The following NDUFA5 variants were observed in gnomAD, a reference collection of about 807,000 sequenced individuals.
NDUFA5 encodes NADH dehydrogenase [ubiquinone] 1 alpha subcomplex subunit 5.
Under a neutral mutation model 19.8 loss-of-function variants are expected in NDUFA5, and 11 were observed. That is an observed-to-expected ratio of 0.56 (90% CI 0.35 to 0.92). The LOEUF is 0.92. Among genes scored for constraint, NDUFA5 ranks in the 40% least tolerant of loss-of-function variants. The pLI is 0.01. For synonymous variants in NDUFA5, 47 were observed against 46.8 expected, an observed-to-expected ratio of 1.00 and a Z score of -0.01; for missense variants, 109 against 134.2, an observed-to-expected ratio of 0.81 and a Z score of 0.93.
chr7:123,544,199 C>A (rs1456503726), intron 4 of NDUFA5, among the ~76,000 whole-genome samples: 1 of 151,924 alleles, frequency 6.6e-6, no homozygotes, highest in Non-Finnish European at 1.5e-5. Context: ...CAAAATTTCA[C>A]CAAATAAAAA....
At chr7:123,594,012 G>A in the NDUFA5 span, among the ~76,000 whole-genome samples, 9 of 151,602 alleles carry the variant, frequency 5.9e-5, no homozygotes, top group Admixed American at 2.0e-4. Context: ...TTGTCTTCTC[G>A]CTTTATTTCA....
chr7:123,581,825 T>C, the NDUFA5 span, among the ~76,000 whole-genome samples: 1 of 152,034 alleles, frequency 6.6e-6, no homozygotes, highest in Non-Finnish European at 1.5e-5. Context: ...CTCCCAAGAC[T>C]GTCAAGTTTT....
chr7:123,564,945 G>T, the NDUFA5 span, among the ~76,000 whole-genome samples: 2 of 142,200 alleles, frequency 1.4e-5, no homozygotes, highest in African/African-American at 5.5e-5. Flanking sequence ...ACACACACAA[G>T]TACATATAAA....
At chr7:123,551,476 TG>T in intron 2 of NDUFA5, 1 of 870,942 alleles carries the variant, frequency 1.1e-6, no homozygotes, top group Middle Eastern at 5.8e-4. Flanking sequence ...CCCAAAGTGC[TG>T]GGATTACAGG....
At chr7:123,563,413 C>T in the NDUFA5 span, among the ~76,000 whole-genome samples, 354 of 152,240 alleles carry the variant, frequency 2.3e-3, 2 homozygotes, top group African/African-American at 8.2e-3. Context: ...GGGGAACAGC[C>T]AGTCGGTGGA....
rs1390875165 is a variant in NDUFA5, at chr7:123,537,813, T to C, written c.*4306A>G. 2 of 144,462 alleles carry C rather than the reference T, an allele frequency of 1.4e-5. No individual in the cohort carries two copies. The highest frequency in any genetic ancestry group is 2.2e-4 in the South Asian group (1 of 4,550). The allele number at this position is 144,462 out of a possible 1,614,324, so 8.9% of individuals were successfully genotyped here. A position where few individuals can be genotyped will look rare whatever the true frequency, so the allele number is the denominator to read the frequency against. On this transcript the variant is annotated 3_prime_UTR_variant, in exon 5 of 5. Transcript: ENST00000355749. Reference sequence around the variant, plus strand: ...CCCTCCAGTTATAGAGAGATTAAAATGCCAATATTTTGTAAAAAAAAAAAA... The same window carrying C: ...CCCTCCAGTTATAGAGAGATTAAAACGCCAATATTTTGTAAAAAAAAAAAA...
chr7:123,552,353 G>A (rs1444042164), intron 2 of NDUFA5, among the ~76,000 whole-genome samples: 1 of 151,978 alleles, frequency 6.6e-6, no homozygotes, highest in Non-Finnish European at 1.5e-5. Flanking sequence ...GGATGAAGCT[G>A]GAAACCATCA....
At chr7:123,562,259 A>G (rs1314190321), upstream of NDUFA5, among the ~76,000 whole-genome samples, 1 of 152,102 alleles carries the variant, frequency 6.6e-6, no homozygotes, top group East Asian at 1.9e-4. Flanking sequence ...TAGATTTAGC[A>G]TCATTCTTCA....
the NDUFA5 span, among the ~76,000 whole-genome samples, chr7:123,587,161 G>A: frequency 6.6e-6 from 1 of 151,530 alleles, no homozygotes; most frequent in South Asian, 2.1e-4. Flanking sequence ...TTTGTAGTGT[G>A]AACATTTTAA....
the NDUFA5 span, among the ~76,000 whole-genome samples, chr7:123,578,067 G>A: frequency 6.8e-6 from 1 of 146,294 alleles, no homozygotes; most frequent in Non-Finnish European, 1.5e-5. Context: ...GACAGGCCCC[G>A]GTGTGTGAAG....
At chr7:123,558,135 A>G (rs950954767), upstream of NDUFA5, 10 of 403,034 alleles carry the variant, frequency 2.5e-5, no homozygotes, top group Non-Finnish European at 4.1e-5. Flanking sequence ...AGGAACCTGC[A>G]CTGTGCTTAA....
chr7:123,595,362 A>C, the NDUFA5 span, among the ~76,000 whole-genome samples: 2 of 152,184 alleles, frequency 1.3e-5, no homozygotes, highest in Non-Finnish European at 2.9e-5. Context: ...CATGACAAAA[A>C]GTAAAATTAA....
At chr7:123,597,325 A>G in the NDUFA5 span, among the ~76,000 whole-genome samples, 1 of 152,104 alleles carries the variant, frequency 6.6e-6, no homozygotes, top group African/African-American at 2.4e-5. Context: ...TGTTCAAGGA[A>G]CCTTTATTTT....
chr7:123,589,301 T>TTTA, the NDUFA5 span, among the ~76,000 whole-genome samples: 53,810 of 147,356 alleles, frequency 0.37, 10,092 homozygotes, highest in South Asian at 0.4. Flanking sequence ...CTTTCATCTC[T>TTTA]TTATTATTAT....
intron 2 of NDUFA5, among the ~76,000 whole-genome samples, chr7:123,551,985 A>G (rs1291187677): frequency 2.7e-4 from 41 of 152,184 alleles, no homozygotes; most frequent in Admixed American, 2.7e-3. Flanking sequence ...AATGTTATCA[A>G]TAGGGTGGAC....
Position 123,540,890 on chromosome 7 carries a change from G to GCGCACACA in NDUFA5, c.*1228_*1229insTGTGTGCG, listed in dbSNP as rs766305834. On this transcript the variant is annotated 3_prime_UTR_variant, in exon 5 of 5. Transcript: ENST00000355749. ...TCTGAGCAAATGTGCGCATGCGCGT[G>GCGCACACA]CACACACACACACACACACACACAC... The GCGCACACA allele has an allele frequency of 7.5e-5, 10 of 133,828 alleles. No individual in the cohort carries two copies. Among genetic ancestry groups the GCGCACACA allele is most frequent in the African/African-American group, 2.7e-4 (9 of 33,802 alleles). 8.3% of individuals were successfully genotyped at this position (133,828 alleles called of 1,614,324 possible).
At chr7:123,594,097 T>G in the NDUFA5 span, among the ~76,000 whole-genome samples, 1 of 152,228 alleles carries the variant, frequency 6.6e-6, no homozygotes, top group Non-Finnish European at 1.5e-5. Context: ...GTATGCTTCA[T>G]GCAGTTCTCG....
chr7:123,556,745 C>A, intron 2 of NDUFA5: 1 of 432,946 alleles, frequency 2.3e-6, no homozygotes. Flanking sequence ...AAAAACGCTG[C>A]TATTAGGTCA....
chr7:123,557,410 A>G lies in NDUFA5; in HGVS notation c.60T>C (p.Pro20=). The change falls in exon 2 of 5, where the codon CCT becomes CCC. Residue 20 remains proline, a synonymous_variant. Transcript: ENST00000355749. Reference sequence around the variant, plus strand: ...AAAGAACAAAGGTACATACCTCGTGAGGAGTATTGCACACAGCCAATCCCA... The same window carrying G: ...AAAGAACAAAGGTACATACCTCGTGGGGAGTATTGCACACAGCCAATCCCA... The part of the protein sequence containing the change: ...GLVGLAVCNT[P]HERLRILYTK... 1 of 1,613,620 alleles carries G rather than the reference A, an allele frequency of 6.2e-7. No homozygotes were observed. The highest frequency in any genetic ancestry group is 8.5e-7 in the Non-Finnish European group (1 of 1,179,806).
Sources: gnomAD v4.1 joint callset for allele counts (sites outside exome capture counted in the v4.1 genomes callset) on GRCh38, gnomAD v4.1.1 for gene constraint, MANE v1.5 for transcripts, NCBI Gene and HGNC (gene_info 2026-07-23, HGNC 2026-07-21) for gene names.